Variants in KCTD7 observed in about 807,000 individuals in gnomAD.
The protein encoded by KCTD7 is potassium channel tetramerization domain containing 7.
In KCTD7, 15 loss-of-function variants were observed where a neutral mutation model predicts 27.0. The observed-to-expected ratio is 0.56, with a 90% CI of 0.37 to 0.86. The LOEUF is 0.86. Among genes scored for constraint, KCTD7 ranks in the 40% least tolerant of loss-of-function variants. The pLI is 0.00. For synonymous variants in KCTD7, 159 were observed against 162.7 expected (o/e 0.98, Z 0.17); for missense variants, 299 against 398.9 (o/e 0.75, Z 2.13).
intron 2 of KCTD7, among the ~76,000 whole-genome samples, chr7:66,637,941 C>A (rs1786625064): frequency 6.6e-6 from 1 of 151,958 alleles, no homozygotes; most frequent in East Asian, 1.9e-4. Flanking sequence ...CTTACATATA[C>A]CTAATAATAC....
At chr7:66,629,351 G>A (rs1199082399) in intron 1 of KCTD7, 143 bp downstream of exon 1, 1 of 540,748 alleles carries the variant, frequency 1.8e-6, no homozygotes, top group Non-Finnish European at 2.6e-6. Flanking sequence ...CCGCCCACCT[G>A]CAACTCCCCC....
intron 3 of KCTD7, 33 bp downstream of exon 3, chr7:66,638,464 T>C: frequency 1.2e-6 from 2 of 1,609,064 alleles, no homozygotes; most frequent in Non-Finnish European, 1.7e-6. Context: ...GGTGGGTATG[T>C]GGGAGGAGGT....
chr7:66,641,391 ACCCCTTCTGCTTC>A lies in KCTD7; in HGVS notation c.*2168_*2180del. The A allele has an allele frequency of 4.1e-6, 4 of 985,382 alleles. No individual in the cohort carries two copies. The highest frequency in any genetic ancestry group is 4.8e-6 in the Non-Finnish European group (4 of 829,942). 61.0% of individuals were successfully genotyped at this position (985,382 alleles called of 1,614,324 possible). A position where few individuals can be genotyped will look rare whatever the true frequency, so the allele number is the denominator to read the frequency against. On this transcript the variant is annotated 3_prime_UTR_variant, in exon 4 of 4. Transcript: ENST00000639828. ...CATTGCTTTCAGTAATGTGGCCTTG[ACCCCTTCTGCTTC>A]CCCCTTCTCCCATGGAGCATGGCAG...
In KCTD7 at chr7:66,639,598, G is replaced by T. The variant is rs1231290271; in HGVS notation, c.*366G>T. ...CATTTTAGAGCCACGTTACCAAATC[G>T]ATGTAGGCCTAATCACTTCCTCAAC... is the stretch of plus-strand genomic sequence containing the variant. On this transcript the variant is annotated 3_prime_UTR_variant, in exon 4 of 4. Coordinates refer to ENST00000639828, the MANE Select transcript of KCTD7 (RefSeq NM_153033.5). 5 of 1,350,446 alleles carry T rather than the reference G, an allele frequency of 3.7e-6. No individual in the cohort carries two copies. Among genetic ancestry groups the T allele is most frequent in the African/African-American group, 1.5e-5 (1 of 68,108 alleles). 83.7% of individuals were successfully genotyped at this position (1,350,446 alleles called of 1,614,324 possible). A position where few individuals can be genotyped will look rare whatever the true frequency, so the allele number is the denominator to read the frequency against.
intron 2 of KCTD7, among the ~76,000 whole-genome samples, chr7:66,637,498 C>A (rs1040894505): frequency 3.9e-5 from 6 of 152,104 alleles, no homozygotes; most frequent in African/African-American, 1.4e-4. Context: ...ACACCATATT[C>A]ATGCAAGGGT....
intron 2 of KCTD7, 111 bp from the exon 3 acceptor site, chr7:66,638,142 C>G (rs1477566021): frequency 9.1e-7 from 1 of 1,098,066 alleles, no homozygotes; most frequent in Non-Finnish European, 1.4e-6. Context: ...GTTCATTTAC[C>G]CAGTGTAACA....
In KCTD7 at chr7:66,639,685, G is replaced by C. The variant is rs1366624879; in HGVS notation, c.*453G>C. 1 of 1,256,788 alleles carries C rather than the reference G, an allele frequency of 8.0e-7. No individual in the cohort carries two copies. Among genetic ancestry groups the C allele is most frequent in the Non-Finnish European group, 1.0e-6 (1 of 1,001,826 alleles). The allele number at this position is 1,256,788 out of a possible 1,614,324, so 77.9% of individuals were successfully genotyped here. On this transcript the variant is annotated 3_prime_UTR_variant, in exon 4 of 4. Transcript: ENST00000639828. The stretch of plus-strand genomic sequence containing the variant: ...GGTGTGAACACGGAACATGATGGGG[G>C]ATTTACCTGACCAGCCACCCCATAG...
chr7:66,629,180 G>A lies in KCTD7; in HGVS notation c.116G>A (p.Gly39Glu), dbSNP rs763086570. 1 of 1,511,022 alleles carries A rather than the reference G, an allele frequency of 6.6e-7. No individual in the cohort carries two copies. The highest frequency in any genetic ancestry group is 8.9e-7 in the Non-Finnish European group (1 of 1,129,366). The allele number at this position is 1,511,022 out of a possible 1,614,324, so 93.6% of individuals were successfully genotyped here. ...GCCACGCCGACGGCCACGCAGGCGG[G>A]GCACGCGCTGCCCCTGCTGCCACAG... The part of the protein sequence containing the change: ...EPATPTATQA[G>E]HALPLLPQEF... The change falls in exon 1 of 4, where the codon GGG becomes GAG. Residue 39 changes from glycine to glutamate, a missense_variant. Physicochemically the swap from Gly to Glu is moderately conservative, Grantham distance 98. Coordinates refer to ENST00000639828, the MANE Select transcript of KCTD7 (RefSeq NM_153033.5).
Position 66,641,113 on chromosome 7 carries a change from GATAGTC to G in KCTD7, c.*1884_*1889del, listed in dbSNP as rs1452663327. 2.0e-6 allele frequency: 2 copies of G among 985,278 alleles called. No homozygotes were observed. Among genetic ancestry groups the G allele is most frequent in the East Asian group, 1.1e-4 (1 of 8,806 alleles). The allele number at this position is 985,278 out of a possible 1,614,324, so 61.0% of individuals were successfully genotyped here. ...TGGATACTGAGATCTAAGAGGAAAG[GATAGTC>G]ATTCACGTTCTGAGATATGCGCTCT... On this transcript the variant is annotated 3_prime_UTR_variant, in exon 4 of 4. Coordinates refer to ENST00000639828, the MANE Select transcript of KCTD7 (RefSeq NM_153033.5).
Position 66,634,081 on chromosome 7 carries a change from T to C in KCTD7, c.314+637T>C, listed in dbSNP as rs191341747. On this transcript the variant is annotated intron_variant, in intron 2 of 3. Coordinates refer to ENST00000639828, the MANE Select transcript of KCTD7 (RefSeq NM_153033.5). ...ACAGATGTACACATACATGCACACA[T>C]ATATATATATGTATATATGGGTGTG... 3.1e-3 allele frequency among the ~76,000 whole-genome samples: 443 copies of C among 143,200 alleles called. 1 individual carries two copies. The highest frequency in any genetic ancestry group is 0.01 in the African/African-American group (403 of 38,486). The allele number at this position is 143,200 out of a possible 152,430, so 93.9% of individuals were successfully genotyped here. A position where few individuals can be genotyped will look rare whatever the true frequency, so the allele number is the denominator to read the frequency against.
In KCTD7 at chr7:66,641,654, A is replaced by G. The variant is rs1786720721; in HGVS notation, c.*2422A>G. ...ACTGTAGGACACAAGGCTCTGGGCC[A>G]GTAGAACAGGCAGAGAGGTGACACT... On this transcript the variant is annotated 3_prime_UTR_variant, in exon 4 of 4. Transcript: ENST00000639828. The G allele has an allele frequency of 5.1e-6, 5 of 985,288 alleles. 1 individual carries two copies. In the African/African-American group the frequency reaches 7.0e-5, roughly 14 times the overall value. The allele number at this position is 985,288 out of a possible 1,614,324, so 61.0% of individuals were successfully genotyped here. A position where few individuals can be genotyped will look rare whatever the true frequency, so the allele number is the denominator to read the frequency against.
rs1786750292 is a variant in KCTD7, at chr7:66,642,785, A to AT, written c.*3554dup. ...AGGCACTTTTTGGAATTCTGAAAGA[A>AT]TCATATCTGTGTATATACATACTGA... is the stretch of plus-strand genomic sequence containing the variant. On this transcript the variant is annotated 3_prime_UTR_variant, in exon 4 of 4. Coordinates refer to ENST00000639828, the MANE Select transcript of KCTD7 (RefSeq NM_153033.5). The AT allele has an allele frequency of 1.0e-6, 1 of 985,180 alleles. No individual in the cohort carries two copies. 61.0% of individuals were successfully genotyped at this position (985,180 alleles called of 1,614,324 possible).
rs923444735 is a variant in KCTD7 at position 66,639,365 on chromosome 7, C to T, written c.*133C>T. ...GTGAGAACAGCATCCTGAGGCACAG[C>T]TCCCAGGGGACAGAGGTGTAGCTCC... On this transcript the variant is annotated 3_prime_UTR_variant, in exon 4 of 4. Coordinates refer to ENST00000639828, the MANE Select transcript of KCTD7 (RefSeq NM_153033.5). 3.3e-5 allele frequency: 51 copies of T among 1,553,924 alleles called. No individual in the cohort carries two copies. In the African/African-American group the frequency reaches 3.7e-4, roughly 11 times the overall value.
chr7:66,633,274 G>T lies in KCTD7; in HGVS notation c.145-1G>T. On this transcript the variant is annotated splice_acceptor_variant, in intron 1 of 3. Transcript: ENST00000639828. LOFTEE classifies it high-confidence loss of function. ...TGAGAGCCCTGGTGATTTCTTTCCA[G>T]TTTCCTGAGGTTGTTCCCCTTAACA... 6.2e-7 allele frequency: 1 copy of T among 1,613,846 alleles called. No homozygotes were observed. Among genetic ancestry groups the T allele is most frequent in the Non-Finnish European group, 8.5e-7 (1 of 1,179,846 alleles).
chr7:66,642,928 T>G lies in KCTD7; in HGVS notation c.*3696T>G, dbSNP rs1331034071. On this transcript the variant is annotated 3_prime_UTR_variant, in exon 4 of 4. Transcript: ENST00000639828. ...CTGGGTCCGTCGTCTTCCTTCTGTA[T>G]GGTGTTGGGTTTATGTACACACTAT... is the stretch of plus-strand genomic sequence containing the variant. The G allele has an allele frequency of 1.0e-6, 1 of 985,318 alleles. No individual in the cohort carries two copies. The highest frequency in any genetic ancestry group is 1.7e-5 in the African/African-American group (1 of 57,192). 61.0% of individuals were successfully genotyped at this position (985,318 alleles called of 1,614,324 possible).
At chr7:66,636,730 A>G (rs1366452922) in intron 2 of KCTD7, among the ~76,000 whole-genome samples, 3 of 152,170 alleles carry the variant, frequency 2.0e-5, no homozygotes, top group Non-Finnish European at 2.9e-5. Context: ...CTATGATTGC[A>G]CCACTGCCCT....
rs977690742 is a variant in KCTD7 at position 66,639,896 on chromosome 7, A to C, written c.*664A>C. On this transcript the variant is annotated 3_prime_UTR_variant, in exon 4 of 4. Coordinates refer to ENST00000639828, the MANE Select transcript of KCTD7 (RefSeq NM_153033.5). ...CACCCAGTTGGCCTTAGAAAACCAC[A>C]ATGTTTACAGCCCTGTCTTAGGGCC... 1.6e-6 allele frequency: 2 copies of C among 1,244,978 alleles called. No individual in the cohort carries two copies. Among genetic ancestry groups the C allele is most frequent in the African/African-American group, 1.5e-5 (1 of 64,652 alleles). The allele number at this position is 1,244,978 out of a possible 1,614,324, so 77.1% of individuals were successfully genotyped here. A position where few individuals can be genotyped will look rare whatever the true frequency, so the allele number is the denominator to read the frequency against.
At position 66,642,699 on chromosome 7, in the gene KCTD7, A is replaced by T; in HGVS notation, c.*3467A>T. On this transcript the variant is annotated 3_prime_UTR_variant, in exon 4 of 4. Transcript: ENST00000639828. Reference sequence around the variant, plus strand: ...GCGTGAAGGTGGTACCTGTCTCATGATCCTTAAAAGAGAGAGGCTTTTTTC... The same window carrying T: ...GCGTGAAGGTGGTACCTGTCTCATGTTCCTTAAAAGAGAGAGGCTTTTTTC... The T allele has an allele frequency of 3.0e-6, 3 of 985,402 alleles. No homozygotes were observed. The highest frequency in any genetic ancestry group is 3.6e-6 in the Non-Finnish European group (3 of 829,934). 61.0% of individuals were successfully genotyped at this position (985,402 alleles called of 1,614,324 possible).
At chr7:66,633,622 CAAAG>C (rs903362733) in intron 2 of KCTD7, among the ~76,000 whole-genome samples, 178 bp downstream of exon 2, 5 of 144,558 alleles carry the variant, frequency 3.5e-5, no homozygotes, top group African/African-American at 1.3e-4. Context: ...CCAAAGGAGA[CAAAG>C]ACAGCCAGAG....
Sources: allele counts gnomAD v4.1 joint callset (sites outside exome capture counted in the v4.1 genomes callset), GRCh38; gene constraint gnomAD v4.1.1; transcripts MANE v1.5; gene names NCBI Gene and HGNC (gene_info 2026-07-23, HGNC 2026-07-21).